WFDC1: variants seen among roughly 807,000 people sequenced by gnomAD.
WFDC1 encodes WAP four-disulfide core domain 1.
WFDC1 carries 39 observed loss-of-function variants against 32.9 expected under a neutral mutation model. The observed-to-expected ratio is 1.19, with a 90% CI of 0.92 to 1.55. The LOEUF (loss-of-function observed/expected upper bound fraction) is 1.55. Among genes scored for constraint, WFDC1 ranks in the 40% most tolerant of loss-of-function variants. The pLI, the probability that WFDC1 is intolerant of heterozygous loss-of-function variation, is 0.00. For synonymous variants in WFDC1, 184 were observed against 137.4 expected (o/e 1.34, Z -2.37); for missense variants, 386 against 309.5 (o/e 1.25, Z -1.85).
chr16:84,321,045 G>T (rs1021290506), intron 4 of WFDC1, among the ~76,000 whole-genome samples: 9 of 152,068 alleles, frequency 5.9e-5, no homozygotes, highest in African/African-American at 2.2e-4. Context: ...TGCCTTTTTG[G>T]TTTCCTCTAC....
chr16:84,313,265 C>G, intron 2 of WFDC1, 112 bp downstream of exon 2: 1 of 1,047,512 alleles, frequency 9.5e-7, no homozygotes, highest in East Asian at 3.5e-5. Flanking sequence ...CTGGGCGGGT[C>G]TCGGGCGCCT....
intron 1 of WFDC1, among the ~76,000 whole-genome samples, chr16:84,309,519 T>C (rs1907482061): frequency 6.6e-6 from 1 of 151,950 alleles, no homozygotes; most frequent in African/African-American, 2.4e-5. Context: ...GGTTCATTTA[T>C]AGAATGTGCC....
Position 84,313,000 on chromosome 16 carries a change from C to G in WFDC1, c.184C>G (p.Arg62Gly), listed in dbSNP as rs540741698. 262 of 1,254,334 alleles carry G rather than the reference C, an allele frequency of 2.1e-4. 1 individual carries two copies. In the South Asian group the frequency reaches 5.8e-3, roughly 28 times the overall value. 77.7% of individuals were successfully genotyped at this position (1,254,334 alleles called of 1,614,324 possible). The change falls in exon 2 of 7, where the codon CGA (arginine) becomes GGA (glycine). Residue 62 changes from arginine to glycine, a missense_variant. Physicochemically the swap from Arg to Gly is moderately radical, Grantham distance 125. Coordinates refer to ENST00000219454, the MANE Select transcript of WFDC1 (RefSeq NM_021197.4). ...AGAPGGPRQP[R>G]ADRCPPPPRT... ...CGCGCCCGGCGGCCCCCGGCAGCCC[C>G]GAGCAGACCGCTGCCCGCCGCCTCC...
At chr16:84,327,396 A>G (rs1389329404) in intron 6 of WFDC1, 1 of 165,784 alleles carries the variant, frequency 6.0e-6, no homozygotes, top group African/African-American at 2.4e-5. Flanking sequence ...ATGAGTTCTC[A>G]CTATGTTACT....
At chr16:84,298,039 C>T (rs1299491024) in intron 1 of WFDC1, among the ~76,000 whole-genome samples, 3 of 152,148 alleles carry the variant, frequency 2.0e-5, no homozygotes, top group Non-Finnish European at 4.4e-5. Flanking sequence ...CTGGCTTGCA[C>T]CCCCTCTGGA....
Position 84,309,844 on chromosome 16 carries a change from CAT to C in WFDC1, c.145-3116_145-3115del, listed in dbSNP as rs1029077104. On this transcript the variant is annotated intron_variant, in intron 1 of 6. Transcript: ENST00000219454. ...GCATGTGTGTGTGCGTGCGTGTGTACATGTGTGTGTGGGGGGGGCGTGCTTGT... is the reference window on the plus strand; with the variant it reads ...GCATGTGTGTGTGCGTGCGTGTGTACGTGTGTGTGGGGGGGGCGTGCTTGT... Among the ~76,000 whole-genome samples, 8 of 120,446 alleles carry C rather than the reference CAT, an allele frequency of 6.6e-5. No homozygotes were observed. In the East Asian group the frequency reaches 1.3e-3, roughly 20 times the overall value. The allele number at this position is 120,446 out of a possible 152,430, so 79.0% of individuals were successfully genotyped here.
At chr16:84,314,270 C>T (rs956350922) in intron 2 of WFDC1, among the ~76,000 whole-genome samples, 5 of 152,024 alleles carry the variant, frequency 3.3e-5, no homozygotes, top group African/African-American at 1.2e-4. Flanking sequence ...GAGGTGACCC[C>T]GTCGGGGACA....
intron 1 of WFDC1, chr16:84,296,779 G>A (rs180815995): frequency 1.3e-5 from 2 of 152,406 alleles, no homozygotes; most frequent in Admixed American, 1.3e-4. Flanking sequence ...ACCTTGACTG[G>A]ATCTTGGGGA....
intron 1 of WFDC1, among the ~76,000 whole-genome samples, chr16:84,302,260 A>G (rs1054827278): frequency 3.3e-5 from 5 of 152,150 alleles, no homozygotes; most frequent in African/African-American, 1.2e-4. Context: ...GCCTGGGGTG[A>G]TGGAAAAGCC....
In WFDC1 at chr16:84,324,466, A is replaced by G; in HGVS notation, c.604+6A>G. ...ACTTTACAAAGAATATCCAGGTAAAAGAAGAAACTGTTCTTTCTTTCCAGA... is the reference window on the plus strand; with the variant it reads ...ACTTTACAAAGAATATCCAGGTAAAGGAAGAAACTGTTCTTTCTTTCCAGA... On this transcript the variant is annotated splice_donor_region_variant and intron_variant, in intron 5 of 6. Coordinates refer to ENST00000219454, the MANE Select transcript of WFDC1 (RefSeq NM_021197.4). The G allele has an allele frequency of 6.2e-7, 1 of 1,613,392 alleles. No individual in the cohort carries two copies. The highest frequency in any genetic ancestry group is 8.5e-7 in the Non-Finnish European group (1 of 1,179,778).
At position 84,313,160 on chromosome 16, in the gene WFDC1, C is replaced by A; in HGVS notation, c.337+7C>A. The A allele has an allele frequency of 7.1e-7, 1 of 1,414,234 alleles. No individual in the cohort carries two copies. 87.6% of individuals were successfully genotyped at this position (1,414,234 alleles called of 1,614,324 possible). On this transcript the variant is annotated splice_region_variant and intron_variant, in intron 2 of 6. Transcript: ENST00000219454. Reference sequence around the variant, plus strand: ...GCTGTGCCGCCCCCGCCAGGTAGGTCCTGGGCCCGAGGGAGGGGGCTGAGG... The same window carrying A: ...GCTGTGCCGCCCCCGCCAGGTAGGTACTGGGCCCGAGGGAGGGGGCTGAGG...
intron 4 of WFDC1, among the ~76,000 whole-genome samples, chr16:84,323,263 A>G (rs1299439276): frequency 1.3e-5 from 2 of 152,130 alleles, no homozygotes; most frequent in Non-Finnish European, 2.9e-5. Flanking sequence ...GATTTTTAGT[A>G]TGGCCACAAA....
chr16:84,303,173 C>T (rs972757203), intron 1 of WFDC1, among the ~76,000 whole-genome samples: 4 of 152,116 alleles, frequency 2.6e-5, no homozygotes, highest in East Asian at 3.9e-4. Flanking sequence ...CGGGGAGCGA[C>T]ATATTTTTAG....
chr16:84,311,331 G>A (rs913185329), intron 1 of WFDC1, among the ~76,000 whole-genome samples: 5 of 149,222 alleles, frequency 3.4e-5, no homozygotes, highest in African/African-American at 5.0e-5. Flanking sequence ...TGCAAGCTCC[G>A]ACTCCCAGGT....
intron 2 of WFDC1, among the ~76,000 whole-genome samples, chr16:84,314,672 G>A (rs1907846773): frequency 1.3e-5 from 2 of 152,144 alleles, no homozygotes; most frequent in South Asian, 2.1e-4. Flanking sequence ...TTTCAGTACT[G>A]CCTCTGGGCA....
chr16:84,309,797 T>A lies in WFDC1; in HGVS notation c.145-3164T>A, dbSNP rs548406145. On this transcript the variant is annotated intron_variant, in intron 1 of 6. Coordinates refer to ENST00000219454, the MANE Select transcript of WFDC1 (RefSeq NM_021197.4). ...TCTGTAGACGCCATCTCTGCCTCCCTCTTCACATGACTTTCTTGTGTGCAT... is the reference window on the plus strand; with the variant it reads ...TCTGTAGACGCCATCTCTGCCTCCCACTTCACATGACTTTCTTGTGTGCAT... 2.0e-5 allele frequency among the ~76,000 whole-genome samples: 3 copies of A among 152,120 alleles called. No individual in the cohort carries two copies. The East Asian group carries it at 5.8e-4, about 29-fold the overall frequency.
intron 2 of WFDC1, among the ~76,000 whole-genome samples, chr16:84,313,499 G>T (rs1907771052): frequency 6.6e-6 from 1 of 152,228 alleles, no homozygotes; most frequent in Admixed American, 6.5e-5. Flanking sequence ...CCGCTGATAG[G>T]ATGCGGGTGC....
chr16:84,301,197 G>C (rs1023613861), intron 1 of WFDC1, among the ~76,000 whole-genome samples: 1 of 152,152 alleles, frequency 6.6e-6, no homozygotes, highest in African/African-American at 2.4e-5. Context: ...CCAGACACCT[G>C]GATCTCAGCC....
rs764126062 is a variant in WFDC1, at chr16:84,295,023, G to A, written c.52G>A (p.Ala18Thr). 1.9e-6 allele frequency: 3 copies of A among 1,614,208 alleles called. No homozygotes were observed. The highest frequency in any genetic ancestry group is 1.7e-5 in the Admixed American group (1 of 60,032). ...PGSCRRQIIR[A>T]LCLLLLLLHA... ...CAGCTGCAGGAGGCAGATCATCCGG[G>A]CTCTGTGCCTCTTGCTACTTCTCCT... Residue 18 changes from alanine (A) to threonine (T), a missense_variant, in exon 1 of 7, where the codon GCT becomes ACT. By Grantham distance (58) the Ala-to-Thr change is moderately conservative. Coordinates refer to ENST00000219454, the MANE Select transcript of WFDC1 (RefSeq NM_021197.4).
Sources: gnomAD v4.1 joint callset for allele counts (sites outside exome capture counted in the v4.1 genomes callset) on GRCh38, gnomAD v4.1.1 for gene constraint, MANE v1.5 for transcripts, NCBI Gene and HGNC (gene_info 2026-07-23, HGNC 2026-07-21) for gene names.